Variants in CACNA2D3 observed in about 807,000 individuals in gnomAD.
CACNA2D3 encodes the protein calcium voltage-gated channel auxiliary subunit alpha2delta 3.
A neutral mutation model predicts 160.6 loss-of-function variants in CACNA2D3; 60 were observed. The ratio of observed to expected loss-of-function variants is 0.37; its 90% CI spans 0.30 to 0.46. The LOEUF is 0.46. CACNA2D3 is among the 20% of genes least tolerant of loss of function. The probability of loss-of-function intolerance (pLI) is 1.00; values close to 1 mark genes in which losing one functional copy is unlikely to be tolerated. For missense variants in CACNA2D3, 1,205 were observed against 1,365.0 expected, an observed-to-expected ratio of 0.88 and a Z score of 1.85; for synonymous variants, 558 against 492.9, an observed-to-expected ratio of 1.13 and a Z score of -1.75.
At chr3:54,439,756 A>G (rs1173571153) in intron 4 of CACNA2D3, among the ~76,000 whole-genome samples, 1 of 152,026 alleles carries the variant, frequency 6.6e-6, no homozygotes, top group African/African-American at 2.4e-5. Flanking sequence ...TAGGAAATAC[A>G]CTTTCCTCAT....
intron 4 of CACNA2D3, among the ~76,000 whole-genome samples, chr3:54,430,167 T>G (rs1389039275): frequency 6.6e-6 from 1 of 152,356 alleles, no homozygotes; most frequent in Non-Finnish European, 1.5e-5. Context: ...GTGAAAACAT[T>G]TACAAGCCCC....
intron 10 of CACNA2D3, among the ~76,000 whole-genome samples, chr3:54,629,787 G>C (rs753331441): frequency 1.3e-5 from 2 of 152,116 alleles, no homozygotes; most frequent in East Asian, 1.9e-4. Context: ...ATTCCCTCTC[G>C]TTTTATCTCA....
At chr3:54,253,410 G>T (rs1702233597) in intron 2 of CACNA2D3, among the ~76,000 whole-genome samples, 1 of 152,110 alleles carries the variant, frequency 6.6e-6, no homozygotes, top group Admixed American at 6.5e-5. Flanking sequence ...GTAGCAGGCA[G>T]GTCACATGGC....
At chr3:54,623,684 C>T (rs1484821433) in intron 9 of CACNA2D3, among the ~76,000 whole-genome samples, 1 of 152,132 alleles carries the variant, frequency 6.6e-6, no homozygotes, top group Non-Finnish European at 1.5e-5. Context: ...TCCAGTTGCA[C>T]TTCCTGCAAT....
intron 35 of CACNA2D3, among the ~76,000 whole-genome samples, chr3:55,053,601 A>T (rs1422557076): frequency 6.6e-6 from 1 of 151,974 alleles, no homozygotes; most frequent in Non-Finnish European, 1.5e-5. Context: ...TTGCTACCAA[A>T]AAATCCAAGT....
intron 17 of CACNA2D3, among the ~76,000 whole-genome samples, chr3:54,864,185 G>A (rs1479180570): frequency 6.6e-6 from 1 of 152,140 alleles, no homozygotes; most frequent in African/African-American, 2.4e-5. Flanking sequence ...GCCCTGAGAT[G>A]GATATTGGTG....
intron 3 of CACNA2D3, among the ~76,000 whole-genome samples, chr3:54,328,570 C>G (rs1368326850): frequency 6.6e-6 from 1 of 152,206 alleles, no homozygotes; most frequent in Admixed American, 6.5e-5. Context: ...GCATGAGCCA[C>G]CACGCCTGGC....
chr3:55,045,781 C>A, intron 35 of CACNA2D3, among the ~76,000 whole-genome samples: 1 of 149,744 alleles, frequency 6.7e-6, no homozygotes. Context: ...TGTCTTTTCT[C>A]TTTTTACTTT....
At chr3:54,952,589 G>T (rs1321251074) in intron 27 of CACNA2D3, among the ~76,000 whole-genome samples, 1 of 152,134 alleles carries the variant, frequency 6.6e-6, no homozygotes, top group Non-Finnish European at 1.5e-5. Context: ...CATATTTTTT[G>T]AAGTAATTTT....
At chr3:54,337,369 G>A (rs1374700298) in intron 3 of CACNA2D3, among the ~76,000 whole-genome samples, 1 of 152,216 alleles carries the variant, frequency 6.6e-6, no homozygotes, top group East Asian at 1.9e-4. Flanking sequence ...CAGAGGGAAA[G>A]CTTGGCAGAG....
intron 4 of CACNA2D3, among the ~76,000 whole-genome samples, chr3:54,387,986 A>C (rs1005727499): frequency 1.3e-5 from 2 of 152,230 alleles, no homozygotes; most frequent in African/African-American, 4.8e-5. Context: ...CCTTGTCATC[A>C]CCCTCATCTG....
At chr3:55,015,515 A>G (rs151058199) in intron 34 of CACNA2D3, among the ~76,000 whole-genome samples, 24 of 152,330 alleles carry the variant, frequency 1.6e-4, no homozygotes, top group African/African-American at 4.8e-4. Context: ...TTCCATCTGC[A>G]TGCTTGTGCC....
At chr3:54,793,384 C>T (rs948188202) in intron 13 of CACNA2D3, among the ~76,000 whole-genome samples, 1 of 152,186 alleles carries the variant, frequency 6.6e-6, no homozygotes, top group African/African-American at 2.4e-5. Flanking sequence ...CAACCAACTT[C>T]TGTCTAAATG....
At chr3:54,373,185 G>A (rs1698955640) in intron 3 of CACNA2D3, among the ~76,000 whole-genome samples, 1 of 152,186 alleles carries the variant, frequency 6.6e-6, no homozygotes, top group African/African-American at 2.4e-5. Flanking sequence ...CGTATTAATC[G>A]AAACCAGGGA....
intron 4 of CACNA2D3, among the ~76,000 whole-genome samples, chr3:54,487,142 G>A (rs368087683): frequency 6.6e-6 from 1 of 152,146 alleles, no homozygotes; most frequent in East Asian, 1.9e-4. Context: ...CAAGGTGGGA[G>A]GATCCCTTGA....
chr3:54,767,951 T>C (rs1702253065), intron 13 of CACNA2D3, among the ~76,000 whole-genome samples: 1 of 151,922 alleles, frequency 6.6e-6, no homozygotes, highest in Non-Finnish European at 1.5e-5. Context: ...CGTAAGTCAG[T>C]GGGTGAGAAG....
intron 4 of CACNA2D3, among the ~76,000 whole-genome samples, chr3:54,387,276 A>G (rs1435633282): frequency 6.6e-6 from 1 of 152,234 alleles, no homozygotes; most frequent in Non-Finnish European, 1.5e-5. Context: ...TGATCCTGAC[A>G]TGACTATGTC....
chr3:54,678,707 T>G, intron 11 of CACNA2D3, among the ~76,000 whole-genome samples: 1 of 90,836 alleles, frequency 1.1e-5, no homozygotes, highest in African/African-American at 4.0e-5. Flanking sequence ...GGTGACAGAG[T>G]GAGACTCGGT....
intron 14 of CACNA2D3, among the ~76,000 whole-genome samples, chr3:54,822,304 G>A (rs1247563980): frequency 6.6e-6 from 1 of 152,222 alleles, no homozygotes; most frequent in African/African-American, 2.4e-5. Flanking sequence ...AGAAACCAGA[G>A]AGCAAGTCTA....
Sources: allele counts gnomAD v4.1 joint callset (sites outside exome capture counted in the v4.1 genomes callset), GRCh38; gene constraint gnomAD v4.1.1; transcripts MANE v1.5; gene names NCBI Gene and HGNC (gene_info 2026-07-23, HGNC 2026-07-21).